Variants in FTO observed in about 807,000 individuals in gnomAD.
The protein encoded by FTO is FTO alpha-ketoglutarate dependent dioxygenase.
Under a neutral mutation model 63.9 loss-of-function variants are expected in FTO, and 47 were observed. That is an observed-to-expected ratio of 0.74 (90% CI 0.58 to 0.94). The LOEUF (loss-of-function observed/expected upper bound fraction) is 0.94, where lower values mean the gene tolerates loss of function less well. Among genes scored for constraint, FTO ranks in the 40% least tolerant of loss-of-function variants. The probability of loss-of-function intolerance (pLI) is 0.00; values close to 1 mark genes in which losing one functional copy is unlikely to be tolerated. For synonymous variants in FTO, 207 were observed against 224.4 expected (o/e 0.92, Z 0.69); for missense variants, 562 against 618.1 (o/e 0.91, Z 0.96).
chr16:53,737,481 T>C (rs1455012151), intron 1 of FTO, among the ~76,000 whole-genome samples: 1 of 152,220 alleles, frequency 6.6e-6, no homozygotes, highest in Non-Finnish European at 1.5e-5. Context: ...CTGAATACTG[T>C]AGGCAATTGT....
chr16:54,024,004 A>G (rs558222048), intron 8 of FTO, among the ~76,000 whole-genome samples: 1 of 152,156 alleles, frequency 6.6e-6, no homozygotes, highest in Non-Finnish European at 1.5e-5. Flanking sequence ...TGCGTTGTTT[A>G]TATACTATTT....
chr16:54,087,327 T>G (rs1379494256), intron 8 of FTO, among the ~76,000 whole-genome samples: 2 of 152,214 alleles, frequency 1.3e-5, no homozygotes, highest in Admixed American at 6.5e-5. Flanking sequence ...AAAGCTTAGA[T>G]GTTTAAAATA....
At position 53,778,381 on chromosome 16, in the gene FTO, T is replaced by C. The variant is rs907734780; in HGVS notation, c.46-31759T>C. 3.3e-5 allele frequency among the ~76,000 whole-genome samples: 5 copies of C among 152,310 alleles called. No homozygotes were observed. In the South Asian group the frequency reaches 1.0e-3, roughly 32 times the overall value. On this transcript the variant is annotated intron_variant, in intron 1 of 8. Coordinates refer to ENST00000471389, the MANE Select transcript of FTO (RefSeq NM_001080432.3). Reference sequence around the variant, plus strand: ...GTACTCCATAAATATGTATTACTTGTCAATTAAAAATAGATGTTAAAAAAA... The same window carrying C: ...GTACTCCATAAATATGTATTACTTGCCAATTAAAAATAGATGTTAAAAAAA...
At chr16:53,960,517 C>A (rs1430580824) in intron 8 of FTO, among the ~76,000 whole-genome samples, 1 of 152,176 alleles carries the variant, frequency 6.6e-6, no homozygotes, top group African/African-American at 2.4e-5. Context: ...ACAGTGTCAG[C>A]ACATAAAATG....
At chr16:54,052,499 A>T (rs2085335250) in intron 8 of FTO, 1 of 152,170 alleles carries the variant, frequency 6.6e-6, no homozygotes, top group Admixed American at 6.5e-5. Context: ...GTGAGCTGCC[A>T]TGCTGCTCAG....
chr16:53,793,522 T>C (rs2077982548), intron 1 of FTO, among the ~76,000 whole-genome samples: 2 of 152,210 alleles, frequency 1.3e-5, no homozygotes, highest in South Asian at 4.1e-4. Flanking sequence ...GCTAACTTTG[T>C]AGGATATTTG....
At chr16:54,082,860 A>C (rs1280641079) in intron 8 of FTO, among the ~76,000 whole-genome samples, 3 of 152,206 alleles carry the variant, frequency 2.0e-5, no homozygotes. Context: ...AAAGGGTTAC[A>C]ATTTAGGAGC....
At chr16:53,736,920 T>C (rs2076401895) in intron 1 of FTO, among the ~76,000 whole-genome samples, 1 of 152,162 alleles carries the variant, frequency 6.6e-6, no homozygotes, top group African/African-American at 2.4e-5. Flanking sequence ...CAGATTTATG[T>C]GGGGGAACTC....
chr16:53,732,254 T>C (rs1480497886), intron 1 of FTO, among the ~76,000 whole-genome samples: 2 of 151,942 alleles, frequency 1.3e-5, no homozygotes, highest in African/African-American at 2.4e-5. Flanking sequence ...GGTTTCACCA[T>C]GTTAGCCAGC....
At chr16:53,717,972 C>T (rs1175875365) in intron 1 of FTO, among the ~76,000 whole-genome samples, 2 of 152,060 alleles carry the variant, frequency 1.3e-5, no homozygotes, top group African/African-American at 4.8e-5. Context: ...TTCTGTGGCT[C>T]ATCTCTTGCT....
intron 1 of FTO, among the ~76,000 whole-genome samples, chr16:53,731,770 C>T (rs1398704115): frequency 2.9e-5 from 4 of 137,520 alleles, no homozygotes; most frequent in African/African-American, 1.1e-4. Context: ...TTTTTTGAGA[C>T]GGAGTCTCCC....
intron 8 of FTO, among the ~76,000 whole-genome samples, chr16:53,959,327 G>C (rs1040778196): frequency 1.3e-5 from 2 of 152,190 alleles, no homozygotes; most frequent in South Asian, 2.1e-4. Context: ...GGCCCTTCCT[G>C]AATGGGCTTG....
intron 1 of FTO, among the ~76,000 whole-genome samples, chr16:53,772,206 CTCT>C (rs1168429773): frequency 1.3e-5 from 2 of 151,976 alleles, no homozygotes; most frequent in African/African-American, 2.4e-5. Context: ...TCTTCCCCTA[CTCT>C]TCTTCTCTTT....
Position 54,045,158 on chromosome 16 carries a change from A to G in FTO, c.1365-66604A>G, listed in dbSNP as rs1222978275. Among the ~76,000 whole-genome samples the G allele has an allele frequency of 6.4e-5, 2 of 31,418 alleles. 1 individual carries two copies. The highest frequency in any genetic ancestry group is 8.0e-4 in the Admixed American group (2 of 2,510). The allele number at this position is 31,418 out of a possible 152,430, so 20.6% of individuals were successfully genotyped here. A position where few individuals can be genotyped will look rare whatever the true frequency, so the allele number is the denominator to read the frequency against. On this transcript the variant is annotated intron_variant, in intron 8 of 8. Transcript: ENST00000471389. ...ACACAAAAAACCCTTCAAAAAATCAATGAATCCAGGAGCTGGTTTTTTGAA... is the reference window on the plus strand; with the variant it reads ...ACACAAAAAACCCTTCAAAAAATCAGTGAATCCAGGAGCTGGTTTTTTGAA...
At chr16:53,871,690 T>C (rs917916472) in intron 4 of FTO, among the ~76,000 whole-genome samples, 1 of 152,164 alleles carries the variant, frequency 6.6e-6, no homozygotes, top group African/African-American at 2.4e-5. Context: ...TGGCTTTTGC[T>C]CTAATGAATA....
At chr16:53,819,116 A>C (rs2078777717) in intron 2 of FTO, among the ~76,000 whole-genome samples, 1 of 152,212 alleles carries the variant, frequency 6.6e-6, no homozygotes, top group Non-Finnish European at 1.5e-5. Flanking sequence ...TTTTAATGCA[A>C]ATTTGATAGA....
rs180822947 is a variant in FTO, at chr16:54,068,350, C to T, written c.1365-43412C>T. Among the ~76,000 whole-genome samples the T allele has an allele frequency of 2.5e-3, 374 of 152,160 alleles. 5 individuals are homozygous for T. The highest frequency in any genetic ancestry group is 3.1e-3 in the Non-Finnish European group (212 of 68,018). On this transcript the variant is annotated intron_variant, in intron 8 of 8. Transcript: ENST00000471389. ...AAATAGGACTTTTTTCCTTGAGAGC[C>T]CTGAGCTCGCCCAGCCTCTGTCAAC... is the stretch of plus-strand genomic sequence containing the variant.
rs570123211 is a variant in FTO, at chr16:53,745,276, G to A, written c.45+41047G>A. Among the ~76,000 whole-genome samples, 26 of 152,298 alleles carry A rather than the reference G, an allele frequency of 1.7e-4. 1 individual carries two copies. The highest frequency in any genetic ancestry group is 3.1e-4 in the Non-Finnish European group (21 of 68,034). ...GGCGGCTCTAAGGAATGACTTCTGAGACTCAGATGAGTTATTATTGGGCTA... is the reference window on the plus strand; with the variant it reads ...GGCGGCTCTAAGGAATGACTTCTGAAACTCAGATGAGTTATTATTGGGCTA... On this transcript the variant is annotated intron_variant, in intron 1 of 8. Coordinates refer to ENST00000471389, the MANE Select transcript of FTO (RefSeq NM_001080432.3).
chr16:53,738,210 C>T lies in FTO; in HGVS notation c.45+33981C>T, dbSNP rs576203645. Among the ~76,000 whole-genome samples, 18 of 152,054 alleles carry T rather than the reference C, an allele frequency of 1.2e-4. No homozygotes were observed. The South Asian group carries it at 2.3e-3, about 19-fold the overall frequency. ...GCTAATTTTGTATTTTTAGTAGAGA[C>T]GGGGTTTCTCCATGTTGGTCAGGCT... On this transcript the variant is annotated intron_variant, in intron 1 of 8. Transcript: ENST00000471389.
Sources: gnomAD v4.1 joint callset for allele counts (sites outside exome capture counted in the v4.1 genomes callset) on GRCh38, gnomAD v4.1.1 for gene constraint, MANE v1.5 for transcripts, NCBI Gene and HGNC (gene_info 2026-07-23, HGNC 2026-07-21) for gene names.